Variants in CTPS2 observed in about 807,000 individuals in gnomAD.
The protein encoded by CTPS2 is CTP synthase 2.
CTPS2 carries 19 observed loss-of-function variants against 46.8 expected under a neutral mutation model. The observed-to-expected ratio is 0.41, with a 90% CI of 0.28 to 0.60. The LOEUF (loss-of-function observed/expected upper bound fraction) is 0.60. CTPS2 is among the 20% of genes least tolerant of loss of function. The pLI is 0.35. For missense variants in CTPS2, 286 were observed against 447.6 expected, an observed-to-expected ratio of 0.64 and a Z score of 3.26; for synonymous variants, 151 against 165.2, an observed-to-expected ratio of 0.91 and a Z score of 0.66.
Position 16,683,150 on chromosome X carries a change from C to T in CTPS2, c.949G>A (p.Val317Met). The T allele has an allele frequency of 8.3e-7, 1 of 1,211,196 alleles. No individual in the cohort carries two copies. The highest frequency in any genetic ancestry group is 3.0e-5 in the East Asian group (1 of 33,851). Reference protein sequence around the residue: ...YTKLRDCYASVFKALEHSALA... With the variant: ...YTKLRDCYASMFKALEHSALA... ...GCTGAGTGTTCCAGGGCTTTGAACA[C>T]AGAGGCGTAGCAGTCTCTGAGCTTG... Residue 317 changes from valine (V) to methionine (M), a missense_variant, in exon 9 of 19, where the codon GTG becomes ATG. By Grantham distance (21) the Val-to-Met change is conservative. Transcript: ENST00000359276.
chrX:16,706,244 T>G (rs1602299419), intron 1 of CTPS2, among the ~76,000 whole-genome samples: 1 of 110,536 alleles, frequency 9.0e-6, no homozygotes, highest in Admixed American at 9.7e-5. Flanking sequence ...GCCAACATGG[T>G]GAAACCCTGT....
intron 9 of CTPS2, among the ~76,000 whole-genome samples, chrX:16,682,053 A>G (rs932184332): frequency 8.9e-5 from 10 of 112,262 alleles, no homozygotes; most frequent in African/African-American, 3.2e-4. Context: ...TTCCATTCCA[A>G]TGCTAAAGGG....
rs777875952 is a variant in CTPS2, at chrX:16,617,122, G to A, written c.1546+28C>T. ...TCCACAAAAAGGCAAGTTATTGGAA[G>A]GTTTTCAAAAATGAAGAGCCCACTT... is the stretch of plus-strand genomic sequence containing the variant. On this transcript the variant is annotated intron_variant, in intron 16 of 18. Coordinates refer to ENST00000359276, the MANE Select transcript of CTPS2 (RefSeq NM_175859.3). The A allele has an allele frequency of 3.5e-6, 4 of 1,128,071 alleles. No homozygotes were observed. In the South Asian group the frequency reaches 7.6e-5, roughly 22 times the overall value. 93.0% of individuals were successfully genotyped at this position (1,128,071 alleles called of 1,213,427 possible). A position where few individuals can be genotyped will look rare whatever the true frequency, so the allele number is the denominator to read the frequency against.
chrX:16,638,245 ACT>A (rs1931864157), intron 14 of CTPS2, among the ~76,000 whole-genome samples: 2 of 99,156 alleles, frequency 2.0e-5, no homozygotes, highest in Admixed American at 1.1e-4. Context: ...ACAGAGCGAG[ACT>A]CTGTCTCAAA....
chrX:16,639,371 T>C (rs1931931211), intron 13 of CTPS2, 128 bp from the exon 14 acceptor site: 1 of 533,060 alleles, frequency 1.9e-6, no homozygotes, highest in Admixed American at 2.7e-5. Flanking sequence ...TTGATCAGTC[T>C]TTCCAACGAT....
rs369931062 is a variant in CTPS2 at position 16,634,959 on chromosome X, A to G, written c.1393+4188T>C. Among the ~76,000 whole-genome samples the G allele has an allele frequency of 4.8e-3, 363 of 75,678 alleles. 1 individual carries two copies. Among genetic ancestry groups the G allele is most frequent in the African/African-American group, 0.013 (330 of 26,017 alleles). The allele number at this position is 75,678 out of a possible 115,157, so 65.7% of individuals were successfully genotyped here. A position where few individuals can be genotyped will look rare whatever the true frequency, so the allele number is the denominator to read the frequency against. On this transcript the variant is annotated intron_variant, in intron 14 of 18. Coordinates refer to ENST00000359276, the MANE Select transcript of CTPS2 (RefSeq NM_175859.3). The stretch of plus-strand genomic sequence containing the variant: ...AGCAAAACTCTGTCTCAAAAAGAGA[A>G]AAAAAAAAAAAAAGGCTCACTCTAG...
At chrX:16,657,248 T>C (rs1403076135) in intron 13 of CTPS2, among the ~76,000 whole-genome samples, 1 of 103,063 alleles carries the variant, frequency 9.7e-6, no homozygotes, top group African/African-American at 3.6e-5. Flanking sequence ...GGTTCTTCTG[T>C]CAAGTTGGCT....
chrX:16,677,570 G>A (rs1922384610), intron 10 of CTPS2, among the ~76,000 whole-genome samples: 1 of 111,664 alleles, frequency 9.0e-6, no homozygotes, highest in Non-Finnish European at 1.9e-5. Flanking sequence ...TCTTGAATAG[G>A]GGCTGGGTAG....
At chrX:16,674,817 A>T (rs771868839) in intron 10 of CTPS2, among the ~76,000 whole-genome samples, 1 of 106,670 alleles carries the variant, frequency 9.4e-6, no homozygotes, top group African/African-American at 3.5e-5. Flanking sequence ...CAGCCTGGGC[A>T]ACAAGGCGAG....
intron 10 of CTPS2, among the ~76,000 whole-genome samples, chrX:16,672,843 A>G (rs182245267): frequency 4.4e-3 from 473 of 106,574 alleles, no homozygotes; most frequent in Non-Finnish European, 6.6e-3. Flanking sequence ...TCCTGTGTAA[A>G]GTTTTGATTA....
chrX:16,672,473 T>C (rs1921832732), intron 10 of CTPS2, among the ~76,000 whole-genome samples: 1 of 111,301 alleles, frequency 9.0e-6, no homozygotes, highest in African/African-American at 3.3e-5. Flanking sequence ...AAGGCGACCA[T>C]CTTGCCCAGA....
At chrX:16,612,350 T>C (rs992328020) in intron 16 of CTPS2, among the ~76,000 whole-genome samples, 1 of 111,861 alleles carries the variant, frequency 8.9e-6, no homozygotes, top group Admixed American at 9.5e-5. Context: ...AATAACTGCT[T>C]GCAGTCCGCT....
intron 17 of CTPS2, among the ~76,000 whole-genome samples, chrX:16,607,301 A>G (rs962358898): frequency 1.8e-5 from 2 of 112,871 alleles, no homozygotes; most frequent in Non-Finnish European, 3.7e-5. Context: ...CACATCTGAC[A>G]TGGGACCACA....
At chrX:16,638,424 G>A (rs950309092) in intron 14 of CTPS2, 1 of 111,511 alleles carries the variant, frequency 9.0e-6, no homozygotes, top group Non-Finnish European at 1.9e-5. Context: ...TTGTTTTGAG[G>A]CCCTAGGAGG....
At chrX:16,596,227 C>A (rs2147161234) in intron 17 of CTPS2, among the ~76,000 whole-genome samples, 1 of 108,683 alleles carries the variant, frequency 9.2e-6, no homozygotes, top group Admixed American at 9.9e-5. Context: ...TTTTAGGGTA[C>A]ATGTGCACAA....
chrX:16,683,840 T>C (rs1052805035), intron 8 of CTPS2, among the ~76,000 whole-genome samples: 3 of 111,973 alleles, frequency 2.7e-5, no homozygotes, highest in Admixed American at 1.9e-4. Flanking sequence ...TGTAAGAAAA[T>C]GCATTCAAAG....
intron 13 of CTPS2, among the ~76,000 whole-genome samples, chrX:16,639,797 G>GAAAGAAAT (rs746879228): frequency 2.1e-5 from 2 of 95,243 alleles, no homozygotes; most frequent in Non-Finnish European, 4.2e-5. Context: ...AAGAAAGAAA[G>GAAAGAAAT]AAAGAAAGAA....
rs1201806364 is a variant in CTPS2, at chrX:16,702,861, A to C, written c.42T>G (p.Ile14Met). ...ILVTGGVISG[I>M]GKGIIASSIG... ...TGCTGCTGGCAATGATCCCTTTACC[A>C]ATGCCTGAGATGACCCCACCCGTGA... The change falls in exon 2 of 19, where the codon ATT becomes ATG. Residue 14 changes from isoleucine to methionine, a missense_variant. Physicochemically the swap from Ile to Met is conservative, Grantham distance 10. Transcript: ENST00000359276. 2 of 1,210,673 alleles carry C rather than the reference A, an allele frequency of 1.7e-6. No homozygotes were observed. Among genetic ancestry groups the C allele is most frequent in the Non-Finnish European group, 1.1e-6 (1 of 895,002 alleles).
At chrX:16,656,397 A>T (rs1386597938) in intron 13 of CTPS2, among the ~76,000 whole-genome samples, 1 of 109,485 alleles carries the variant, frequency 9.1e-6, no homozygotes, top group Non-Finnish European at 1.9e-5. Flanking sequence ...AAGATATGGG[A>T]TCATTTCCAC....
Sources: gnomAD v4.1 joint callset for allele counts (sites outside exome capture counted in the v4.1 genomes callset) on GRCh38, gnomAD v4.1.1 for gene constraint, MANE v1.5 for transcripts, NCBI Gene and HGNC (gene_info 2026-07-23, HGNC 2026-07-21) for gene names.